GPN2: variants seen among roughly 807,000 people sequenced by gnomAD.
GPN2 encodes the protein GPN-loop GTPase 2, also known as ATP-binding domain 1 family member B.
Under a neutral mutation model 30.1 loss-of-function variants are expected in GPN2, and 27 were observed. The ratio of observed to expected loss-of-function variants is 0.90; its 90% CI spans 0.66 to 1.24. The LOEUF (loss-of-function observed/expected upper bound fraction) is 1.24. Among genes scored for constraint, GPN2 ranks in the 50% most tolerant of loss-of-function variants. GPN2 has a pLI of 0.00. For synonymous variants in GPN2, 212 were observed against 174.4 expected, an observed-to-expected ratio of 1.22 and a Z score of -1.70; for missense variants, 406 against 405.4, an observed-to-expected ratio of 1.00 and a Z score of -0.01.
At chr1:26,886,385 G>A (rs193220418) in intron 2 of GPN2, 32 of 544,600 alleles carry the variant, frequency 5.9e-5, no homozygotes, top group African/African-American at 5.6e-4. Context: ...GTCTGGTACA[G>A]AGAAGTGCTT....
chr1:26,878,072 A>C lies in GPN2; in HGVS notation c.*1605T>G, dbSNP rs182036532. On this transcript the variant is annotated 3_prime_UTR_variant, in exon 5 of 5. Coordinates refer to ENST00000374135, the MANE Select transcript of GPN2 (RefSeq NM_018066.4). ...CAAATACATGCAAATAAAACTTGGC[A>C]TAACAGTCTTGCCCAAGCCATCAGT... 1.3e-5 allele frequency: 2 copies of C among 152,154 alleles called. No individual in the cohort carries two copies. Among genetic ancestry groups the C allele is most frequent in the Non-Finnish European group, 2.9e-5 (2 of 68,018 alleles). 9.4% of individuals were successfully genotyped at this position (152,154 alleles called of 1,614,324 possible).
chr1:26,882,687 C>T (rs1557655220), intron 4 of GPN2, among the ~76,000 whole-genome samples: 3 of 152,332 alleles, frequency 2.0e-5, no homozygotes, highest in African/African-American at 7.2e-5. Context: ...CTTTTCTGTC[C>T]TGCTTCACGC....
intron 2 of GPN2, chr1:26,886,375 G>A: frequency 3.6e-6 from 2 of 560,844 alleles, no homozygotes; most frequent in Non-Finnish European, 6.7e-6. Context: ...AAACCCCAGT[G>A]TCTGGTACAG....
chr1:26,881,309 G>A (rs1049811395), intron 4 of GPN2, among the ~76,000 whole-genome samples: 1 of 152,036 alleles, frequency 6.6e-6, no homozygotes, highest in Non-Finnish European at 1.5e-5. Context: ...GAACACTTAC[G>A]TTAGCTGCAT....
At chr1:26,887,307 T>C (rs2081895903) in intron 2 of GPN2, among the ~76,000 whole-genome samples, 1 of 152,188 alleles carries the variant, frequency 6.6e-6, no homozygotes, top group African/African-American at 2.4e-5. Context: ...GACTTCCCCC[T>C]AGTGGCCTGT....
chr1:26,883,087 G>A (rs2081872623), intron 4 of GPN2, among the ~76,000 whole-genome samples: 2 of 152,004 alleles, frequency 1.3e-5, no homozygotes. Context: ...AAACTCTTTT[G>A]CCCCCAATCA....
At chr1:26,880,966 T>C (rs1461454159) in intron 4 of GPN2, among the ~76,000 whole-genome samples, 3 of 152,328 alleles carry the variant, frequency 2.0e-5, no homozygotes, top group Middle Eastern at 6.8e-3. Flanking sequence ...CACTCCCTTA[T>C]TTGTATCAGT....
Position 26,886,133 on chromosome 1 carries a change from G to A in GPN2, c.569C>T (p.Ala190Val). Residue 190 changes from alanine to valine, a missense_variant and splice_region_variant, in exon 3 of 5, where the codon GCC (alanine) becomes GTC (valine). Physicochemically the swap from Ala to Val is moderately conservative, Grantham distance 64 (BLOSUM62 0). Coordinates refer to ENST00000374135, the MANE Select transcript of GPN2 (RefSeq NM_018066.4). ...CTCTGTGTAGTAGTCCAGGTTGAAG[G>A]CTAAAGAGAGAAACCAGTGTTCAGG... is the stretch of plus-strand genomic sequence containing the variant. ...MDLIEHYGKL[A>V]FNLDYYTEVL... 6.2e-7 allele frequency: 1 copy of A among 1,612,072 alleles called. No homozygotes were observed. The highest frequency in any genetic ancestry group is 8.5e-7 in the Non-Finnish European group (1 of 1,178,370).
At chr1:26,882,219 A>T (rs536265838) in intron 4 of GPN2, among the ~76,000 whole-genome samples, 2 of 147,716 alleles carry the variant, frequency 1.4e-5, no homozygotes, top group Admixed American at 6.8e-5. Context: ...GTCCGTCTCA[A>T]AAAAAAAAAA....
At position 26,889,032 on chromosome 1, in the gene GPN2, C is replaced by T; in HGVS notation, c.505G>A (p.Val169Met). 1 of 1,614,160 alleles carries T rather than the reference C, an allele frequency of 6.2e-7. No homozygotes were observed. The highest frequency in any genetic ancestry group is 8.5e-7 in the Non-Finnish European group (1 of 1,179,976). Reference protein sequence around the residue: ...LCTSLATMLHVELPHINLLSK... With the variant: ...LCTSLATMLHMELPHINLLSK... Reference sequence around the variant, plus strand: ...AGGAGGTTGATGTGGGGCAGTTCCACGTGCAGCATGGTGGCCAGGGAGGTA... The same window carrying T: ...AGGAGGTTGATGTGGGGCAGTTCCATGTGCAGCATGGTGGCCAGGGAGGTA... The change falls in exon 2 of 5, where the codon GTG becomes ATG. Residue 169 changes from valine (V) to methionine (M), a missense_variant. Transcript: ENST00000374135.
chr1:26,887,793 C>G (rs965448407), intron 2 of GPN2, among the ~76,000 whole-genome samples: 1 of 151,972 alleles, frequency 6.6e-6, no homozygotes, highest in African/African-American at 2.4e-5. Context: ...AAGCTCCTGA[C>G]CTCGTGATCC....
chr1:26,889,572 T>C (rs1161745806), intron 1 of GPN2, 114 bp downstream of exon 1: 1 of 1,004,012 alleles, frequency 1.0e-6, no homozygotes. Flanking sequence ...CATGCCTGTT[T>C]TACTCCAAAG....
chr1:26,882,217 CAAAAA>C (rs1159136555), intron 4 of GPN2, among the ~76,000 whole-genome samples: 1 of 54,590 alleles, frequency 1.8e-5, no homozygotes, highest in Non-Finnish European at 3.9e-5. Flanking sequence ...CGGTCCGTCT[CAAAAA>C]AAAAAAAAAA....
chr1:26,880,631 TA>T (rs1192731741), intron 4 of GPN2, among the ~76,000 whole-genome samples: 143 of 145,490 alleles, frequency 9.8e-4, no homozygotes, highest in Non-Finnish European at 9.0e-4. Flanking sequence ...TTTTATACTT[TA>T]AAAAAAAAAA....
rs1402332528 is a variant in GPN2, at chr1:26,876,482, T to G, written c.*3195A>C. ...ATCAGCCCGCCTTGGCCTCCCAAAG[T>G]GCTGGGATTACAGGCGTGAGCCACC... On this transcript the variant is annotated 3_prime_UTR_variant, in exon 5 of 5. Coordinates refer to ENST00000374135, the MANE Select transcript of GPN2 (RefSeq NM_018066.4). 6.6e-6 allele frequency: 1 copy of G among 152,240 alleles called. No individual in the cohort carries two copies. Among genetic ancestry groups the G allele is most frequent in the Admixed American group, 6.5e-5 (1 of 15,280 alleles). 9.4% of individuals were successfully genotyped at this position (152,240 alleles called of 1,614,324 possible). A position where few individuals can be genotyped will look rare whatever the true frequency, so the allele number is the denominator to read the frequency against.
At chr1:26,886,476 C>A (rs2081891696) in intron 2 of GPN2, 1 of 457,276 alleles carries the variant, frequency 2.2e-6, no homozygotes, top group African/African-American at 2.0e-5. Context: ...TGGGTGATTA[C>A]CTGAGGTCAG....
At position 26,889,014 on chromosome 1, in the gene GPN2, T is replaced by G. The variant is rs778020419; in HGVS notation, c.523A>C (p.Asn175His). 1 of 1,614,202 alleles carries G rather than the reference T, an allele frequency of 6.2e-7. No individual in the cohort carries two copies. The highest frequency in any genetic ancestry group is 1.1e-5 in the South Asian group (1 of 91,090). The change falls in exon 2 of 5, where the codon AAC (asparagine) becomes CAC (histidine). Residue 175 changes from asparagine to histidine, a missense_variant. Physicochemically the swap from Asn to His is moderately conservative, Grantham distance 68 (BLOSUM62 1). Transcript: ENST00000374135. ...TMLHVELPHINLLSKMDLIEH... is the reference protein window; with the variant it reads ...TMLHVELPHIHLLSKMDLIEH... ...ATGAGGTCCATCTTGGAAAGGAGGT[T>G]GATGTGGGGCAGTTCCACGTGCAGC...
chr1:26,885,573 C>T lies in GPN2; in HGVS notation c.729+400G>A, dbSNP rs546823575. ...AGTGATACTCAACCCAGGGCAAAGA[C>T]CACTCTTTTTTTTTTTTTTTTTTTG... On this transcript the variant is annotated intron_variant, in intron 3 of 4. Transcript: ENST00000374135. 2.0e-3 allele frequency among the ~76,000 whole-genome samples: 299 copies of T among 151,052 alleles called. 7 individuals are homozygous for T. Among genetic ancestry groups the T allele is most frequent in the Non-Finnish European group, 1.1e-3 (74 of 67,748 alleles).
At chr1:26,881,829 G>A (rs1350781691) in intron 4 of GPN2, among the ~76,000 whole-genome samples, 1 of 151,656 alleles carries the variant, frequency 6.6e-6, no homozygotes, top group Non-Finnish European at 1.5e-5. Flanking sequence ...GGAGGGTAAC[G>A]AGCCCAGGAG....
Sources: allele counts gnomAD v4.1 joint callset (sites outside exome capture counted in the v4.1 genomes callset), GRCh38; gene constraint gnomAD v4.1.1; transcripts MANE v1.5; gene names NCBI Gene and HGNC (gene_info 2026-07-23, HGNC 2026-07-21).